The following EPHB1 variants were observed in gnomAD, a reference collection of about 807,000 sequenced individuals.
EPHB1 encodes EPH receptor B1.
EPHB1 carries 30 observed loss-of-function variants against 94.4 expected under a neutral mutation model. The ratio of observed to expected loss-of-function variants is 0.32; its 90% CI spans 0.24 to 0.43. The LOEUF is 0.43. EPHB1 is among the 20% of genes least tolerant of loss of function. The pLI, the probability that EPHB1 is intolerant of heterozygous loss-of-function variation, is 1.00. For synonymous variants in EPHB1, 522 were observed against 489.1 expected, an observed-to-expected ratio of 1.07 and a Z score of -0.89; for missense variants, 1,055 against 1,308.3, an observed-to-expected ratio of 0.81 and a Z score of 2.99.
At chr3:134,827,510 G>A (rs1441734141) in intron 1 of EPHB1, among the ~76,000 whole-genome samples, 1 of 152,104 alleles carries the variant, frequency 6.6e-6, no homozygotes, top group Non-Finnish European at 1.5e-5. Context: ...ACTTCCTCTG[G>A]GTTAGCCTAA....
chr3:134,919,975 G>A (rs1331656534), intron 1 of EPHB1, among the ~76,000 whole-genome samples: 1 of 152,076 alleles, frequency 6.6e-6, no homozygotes, highest in African/African-American at 2.4e-5. Flanking sequence ...AGTTCCAGCT[G>A]CCTACCAGGC....
At chr3:135,079,054 T>C (rs746867043) in intron 3 of EPHB1, among the ~76,000 whole-genome samples, 5 of 151,454 alleles carry the variant, frequency 3.3e-5, no homozygotes, top group African/African-American at 4.9e-5. Context: ...GTTAGGAGTG[T>C]ATCAGAAATC....
intron 1 of EPHB1, among the ~76,000 whole-genome samples, chr3:134,873,252 G>A (rs954988018): frequency 5.3e-5 from 8 of 152,182 alleles, no homozygotes; most frequent in Admixed American, 3.9e-4. Context: ...TGATTCCTCT[G>A]TGTTCTGATT....
chr3:135,019,475 T>G (rs1935917004), intron 3 of EPHB1, among the ~76,000 whole-genome samples: 2 of 152,186 alleles, frequency 1.3e-5, no homozygotes, highest in Non-Finnish European at 2.9e-5. Flanking sequence ...AAAAATGACA[T>G]TTTCTTTTCT....
At chr3:135,100,230 C>T (rs1161291626) in intron 3 of EPHB1, among the ~76,000 whole-genome samples, 2 of 152,154 alleles carry the variant, frequency 1.3e-5, no homozygotes, top group African/African-American at 4.8e-5. Flanking sequence ...AATAGTTAAG[C>T]TCTCCCACAT....
intron 1 of EPHB1, among the ~76,000 whole-genome samples, chr3:134,864,047 CA>C (rs1189170158): frequency 3.9e-5 from 6 of 152,194 alleles, no homozygotes; most frequent in Non-Finnish European, 1.5e-5. Flanking sequence ...AAAATGCTCT[CA>C]GGAAAGTAGC....
At chr3:134,795,745 C>A in intron 1 of EPHB1, 56 bp downstream of exon 1, 1 of 1,561,444 alleles carries the variant, frequency 6.4e-7, no homozygotes. Flanking sequence ...CTTGGGACTG[C>A]TGTGCTCCGC....
chr3:135,216,726 G>GAAAAAA, intron 12 of EPHB1, among the ~76,000 whole-genome samples: 1 of 105,012 alleles, frequency 9.5e-6, no homozygotes, highest in Non-Finnish European at 1.8e-5. Flanking sequence ...CTGTCTCAGG[G>GAAAAAA]AAAAAAAAAA....
At chr3:134,918,301 G>A (rs1482904416) in intron 1 of EPHB1, among the ~76,000 whole-genome samples, 2 of 152,162 alleles carry the variant, frequency 1.3e-5, no homozygotes, top group South Asian at 4.1e-4. Flanking sequence ...GGTGCTGGAA[G>A]AAGGGCTTCA....
intron 1 of EPHB1, among the ~76,000 whole-genome samples, chr3:134,798,380 A>G (rs1223346523): frequency 6.6e-6 from 1 of 151,428 alleles, no homozygotes; most frequent in African/African-American, 2.4e-5. Flanking sequence ...GGGGCAGAGG[A>G]GGGGAGGGGA....
intron 1 of EPHB1, among the ~76,000 whole-genome samples, chr3:134,913,010 G>A (rs1318023569): frequency 6.6e-6 from 1 of 152,202 alleles, no homozygotes; most frequent in Non-Finnish European, 1.5e-5. Flanking sequence ...GTGGCTATTT[G>A]GGACTTTGGT....
chr3:135,203,481 C>T (rs768500773), intron 12 of EPHB1, among the ~76,000 whole-genome samples: 4 of 152,222 alleles, frequency 2.6e-5, no homozygotes, highest in Non-Finnish European at 5.9e-5. Flanking sequence ...TTTTCTCAAA[C>T]GGCCATCTAG....
At chr3:134,959,341 A>G (rs1023163244) in intron 3 of EPHB1, among the ~76,000 whole-genome samples, 1 of 152,164 alleles carries the variant, frequency 6.6e-6, no homozygotes. Context: ...CTAGAGAGCC[A>G]TGGCTAGTTA....
chr3:135,214,667 G>A (rs1021409119), intron 12 of EPHB1, among the ~76,000 whole-genome samples: 1 of 152,170 alleles, frequency 6.6e-6, no homozygotes. Flanking sequence ...ATGAATTATT[G>A]TCTCAGCTGC....
chr3:134,809,502 C>T (rs1404382439), intron 1 of EPHB1, among the ~76,000 whole-genome samples: 1 of 152,176 alleles, frequency 6.6e-6, no homozygotes, highest in East Asian at 1.9e-4. Context: ...AGCATCTCCT[C>T]CTCACCCTTT....
At chr3:135,234,626 A>G (rs1336185283) in intron 12 of EPHB1, among the ~76,000 whole-genome samples, 2 of 152,240 alleles carry the variant, frequency 1.3e-5, no homozygotes, top group African/African-American at 4.8e-5. Context: ...TATAAAGGAA[A>G]GAGGTTTAAT....
Position 134,877,788 on chromosome 3 carries a change from C to T in EPHB1, c.59-48028C>T, listed in dbSNP as rs189804332. Among the ~76,000 whole-genome samples the T allele has an allele frequency of 1.9e-4, 29 of 152,266 alleles. No homozygotes were observed. The East Asian group carries it at 2.9e-3, about 15-fold the overall frequency. ...CTGCAGCCTGTCATACCCGTGGTTTCGGCCCCATAACCTGGAGGGCCTGGG... is the reference window on the plus strand; with the variant it reads ...CTGCAGCCTGTCATACCCGTGGTTTTGGCCCCATAACCTGGAGGGCCTGGG... On this transcript the variant is annotated intron_variant, in intron 1 of 15. Transcript: ENST00000398015.
chr3:134,905,124 C>T (rs1348154080), intron 1 of EPHB1, among the ~76,000 whole-genome samples: 1 of 152,166 alleles, frequency 6.6e-6, no homozygotes, highest in Non-Finnish European at 1.5e-5. Flanking sequence ...GCTTCACTCC[C>T]CAATAGCTGC....
chr3:134,810,104 G>A (rs1170192238), intron 1 of EPHB1, among the ~76,000 whole-genome samples: 3 of 152,156 alleles, frequency 2.0e-5, no homozygotes, highest in Non-Finnish European at 4.4e-5. Flanking sequence ...TTTAACATAG[G>A]TATGTGACTC....
Sources: gnomAD v4.1 joint callset for allele counts (sites outside exome capture counted in the v4.1 genomes callset) on GRCh38, gnomAD v4.1.1 for gene constraint, MANE v1.5 for transcripts, NCBI Gene and HGNC (gene_info 2026-07-23, HGNC 2026-07-21) for gene names.